The following AKAP9 variants were observed in gnomAD, a reference collection of about 807,000 sequenced individuals.
AKAP9 encodes A-kinase anchor protein 9.
AKAP9 carries 311 observed loss-of-function variants against 488.5 expected under a neutral mutation model. The observed-to-expected ratio is 0.64, with a 90% CI of 0.58 to 0.70. The LOEUF is 0.70. Ranked by LOEUF, AKAP9 falls within the 30% of genes least tolerant of loss-of-function variation. The pLI is 0.00. For missense variants in AKAP9, 4,215 were observed against 4,374.5 expected (o/e 0.96, Z 1.03); for synonymous variants, 1,462 against 1,483.5 (o/e 0.99, Z 0.33).
intron 29 of AKAP9, among the ~76,000 whole-genome samples, chr7:92,077,444 C>A (rs1190286538): frequency 1.3e-5 from 2 of 151,950 alleles, no homozygotes; most frequent in Non-Finnish European, 2.9e-5. Flanking sequence ...TAATACTCAA[C>A]AGAGGAACAT....
intron 9 of AKAP9, among the ~76,000 whole-genome samples, chr7:92,013,586 C>T (rs1234259752): frequency 6.6e-6 from 1 of 151,988 alleles, no homozygotes; most frequent in Admixed American, 6.6e-5. Flanking sequence ...ATTAGAACAC[C>T]AGTTAAGCAA....
intron 8 of AKAP9, among the ~76,000 whole-genome samples, chr7:92,004,760 C>T (rs1197695179): frequency 4.6e-5 from 7 of 152,180 alleles, no homozygotes; most frequent in African/African-American, 1.7e-4. Context: ...ACGTCATCTG[C>T]AAACAGGGAC....
chr7:91,952,352 T>C (rs1391666453), intron 1 of AKAP9, among the ~76,000 whole-genome samples: 1 of 152,218 alleles, frequency 6.6e-6, no homozygotes, highest in Non-Finnish European at 1.5e-5. Context: ...AGACATGGAC[T>C]CTGCCAAGCA....
intron 14 of AKAP9, among the ~76,000 whole-genome samples, chr7:92,029,126 T>A (rs180859765): frequency 6.6e-6 from 1 of 152,128 alleles, no homozygotes; most frequent in East Asian, 1.9e-4. Flanking sequence ...CTCCTTTTTT[T>A]TTTCCCATGG....
intron 3 of AKAP9, among the ~76,000 whole-genome samples, chr7:91,991,359 G>T (rs774577753): frequency 1.3e-5 from 2 of 152,112 alleles, no homozygotes; most frequent in East Asian, 1.9e-4. Flanking sequence ...GTGGAGTGTG[G>T]TGGCAATTAA....
chr7:92,029,630 C>T (rs907272877), intron 14 of AKAP9, among the ~76,000 whole-genome samples: 3 of 152,082 alleles, frequency 2.0e-5, no homozygotes, highest in East Asian at 1.9e-4. Context: ...AAAAAACAGT[C>T]GGTACTTATG....
chr7:92,040,306 T>C (rs1270961932), intron 17 of AKAP9, among the ~76,000 whole-genome samples: 1 of 152,182 alleles, frequency 6.6e-6, no homozygotes, highest in Non-Finnish European at 1.5e-5. Context: ...AAATATTCCA[T>C]GGATATTATT....
intron 1 of AKAP9, among the ~76,000 whole-genome samples, chr7:91,959,105 G>A (rs1017345587): frequency 6.6e-6 from 1 of 151,752 alleles, no homozygotes; most frequent in African/African-American, 2.4e-5. Context: ...GGTTGGTCTC[G>A]AATTCCTGGG....
intron 1 of AKAP9, among the ~76,000 whole-genome samples, chr7:91,962,844 G>A (rs983549396): frequency 6.6e-6 from 1 of 151,880 alleles, no homozygotes; most frequent in African/African-American, 2.4e-5. Flanking sequence ...AACTGTTTAT[G>A]ATGCAAAGTT....
At chr7:91,941,333 AGCCTTGT>A in intron 1 of AKAP9, among the ~76,000 whole-genome samples, 186 bp downstream of exon 1, 1 of 152,120 alleles carries the variant, frequency 6.6e-6, no homozygotes, top group East Asian at 1.9e-4. Context: ...TGGGGGACAA[AGCCTTGT>A]GCTAGCTGAT....
At chr7:92,064,183 G>T (rs1183152559) in intron 24 of AKAP9, among the ~76,000 whole-genome samples, 1 of 151,998 alleles carries the variant, frequency 6.6e-6, no homozygotes, top group Non-Finnish European at 1.5e-5. Context: ...GTAAGATGAT[G>T]GTAGCAAAAG....
At chr7:92,089,555 G>A (rs1413073104) in intron 38 of AKAP9, 26 bp downstream of exon 38, 2 of 1,609,328 alleles carry the variant, frequency 1.2e-6, no homozygotes, top group Admixed American at 3.3e-5. Context: ...AGCTCATATG[G>A]TTACACAAAC....
chr7:92,030,243 A>G (rs1268989877), intron 15 of AKAP9, among the ~76,000 whole-genome samples: 2 of 152,218 alleles, frequency 1.3e-5, no homozygotes, highest in Middle Eastern at 3.2e-3. Context: ...TTTAAGATTT[A>G]TCTTGTTTTT....
chr7:91,975,196 GGTCTCACT>G (rs1196568237), intron 2 of AKAP9, among the ~76,000 whole-genome samples: 1 of 151,936 alleles, frequency 6.6e-6, no homozygotes, highest in Non-Finnish European at 1.5e-5. Flanking sequence ...GTAGAAATGT[GGTCTCACT>G]TTGTGTCCAG....
intron 14 of AKAP9, among the ~76,000 whole-genome samples, chr7:92,023,831 TAAAC>T (rs1168166821): frequency 1.3e-5 from 2 of 152,248 alleles, no homozygotes; most frequent in Middle Eastern, 3.4e-3. Flanking sequence ...TTGGGGTCCT[TAAAC>T]AAGCATTATC....
Position 92,085,588 on chromosome 7 carries a change from G to T in AKAP9, c.8926G>T (p.Val2976Phe), listed in dbSNP as rs1416774999. The T allele has an allele frequency of 6.2e-7, 1 of 1,613,700 alleles. No homozygotes were observed. Among genetic ancestry groups the T allele is most frequent in the African/African-American group, 1.3e-5 (1 of 74,968 alleles). ...TGGAGAGGACCATTCTATTCAGCAGGTTTCAGAACCTTGGCTAGAAGAGAG... is the reference window on the plus strand; with the variant it reads ...TGGAGAGGACCATTCTATTCAGCAGTTTTCAGAACCTTGGCTAGAAGAGAG... The part of the protein sequence containing the change: ...SDGEDHSIQQ[V>F]SEPWLEERKA... Residue 2976 changes from valine (V) to phenylalanine (F), a missense_variant, in exon 36 of 50, where the codon GTT becomes TTT. Val to Phe is a conservative substitution (Grantham distance 50). Coordinates refer to ENST00000356239, the MANE Select transcript of AKAP9 (RefSeq NM_005751.5).
In AKAP9 at chr7:91,941,238, C is replaced by T. The variant is rs138016531; in HGVS notation, c.48+91C>T. ...CCTGGGAAGCGGAGTTCGCCGCAGCCCCAGTGCACTGCCCGAGAGGGAGGT... is the reference window on the plus strand; with the variant it reads ...CCTGGGAAGCGGAGTTCGCCGCAGCTCCAGTGCACTGCCCGAGAGGGAGGT... On this transcript the variant is annotated intron_variant, in intron 1 of 49. Coordinates refer to ENST00000356239, the MANE Select transcript of AKAP9 (RefSeq NM_005751.5). 40 of 1,284,266 alleles carry T rather than the reference C, an allele frequency of 3.1e-5. No individual in the cohort carries two copies. The African/African-American group carries it at 4.8e-4, about 15-fold the overall frequency. The allele number at this position is 1,284,266 out of a possible 1,614,324, so 79.6% of individuals were successfully genotyped here. A position where few individuals can be genotyped will look rare whatever the true frequency, so the allele number is the denominator to read the frequency against.
intron 35 of AKAP9, among the ~76,000 whole-genome samples, chr7:92,085,207 G>A (rs1181295979): frequency 1.3e-5 from 2 of 152,126 alleles, no homozygotes; most frequent in African/African-American, 2.4e-5. Context: ...TCAAAGAGTA[G>A]AAGTTAGAGC....
chr7:91,951,078 G>GA (rs1244701907), intron 1 of AKAP9, among the ~76,000 whole-genome samples: 4 of 150,694 alleles, frequency 2.7e-5, no homozygotes, highest in Non-Finnish European at 5.9e-5. Context: ...TAAAGTTTGA[G>GA]AAAAAGAAAA....
Sources: gnomAD v4.1 joint callset for allele counts (sites outside exome capture counted in the v4.1 genomes callset) on GRCh38, gnomAD v4.1.1 for gene constraint, MANE v1.5 for transcripts, NCBI Gene and HGNC (gene_info 2026-07-23, HGNC 2026-07-21) for gene names.